Variants in ASCC2 observed in about 807,000 individuals in gnomAD.
ASCC2 encodes the protein activating signal cointegrator 1 complex subunit 2, also known as ASC-1 complex subunit P100.
Under a neutral mutation model 93.5 loss-of-function variants are expected in ASCC2, and 42 were observed. That is an observed-to-expected ratio of 0.45 (90% confidence interval 0.35 to 0.58). The LOEUF (loss-of-function observed/expected upper bound fraction) is 0.58, where lower values mean the gene tolerates loss of function less well. Ranked by LOEUF, ASCC2 falls within the 20% of genes least tolerant of loss-of-function variation. The pLI is 0.00. For missense variants in ASCC2, 859 were observed against 977.6 expected, an observed-to-expected ratio of 0.88 and a Z score of 1.62; for synonymous variants, 364 against 384.2, an observed-to-expected ratio of 0.95 and a Z score of 0.62.
In ASCC2 at chr22:29,802,084, T is replaced by C. The variant is rs757303263; in HGVS notation, c.1478A>G (p.Tyr493Cys). 6 of 1,614,200 alleles carry C rather than the reference T, an allele frequency of 3.7e-6. No individual in the cohort carries two copies. In the South Asian group the frequency reaches 5.5e-5, roughly 15 times the overall value. The part of the protein sequence containing the change: ...GEGFILACLE[Y>C]YHYDPEQVIN... The stretch of plus-strand genomic sequence containing the variant: ...CACCTGCTCTGGGTCGTAGTGGTAG[T>C]ACTCCAGGCAGGCCAGGATGAAGCC... The change falls in exon 14 of 20, where the codon TAC becomes TGC. Residue 493 changes from tyrosine to cysteine, a missense_variant. Transcript: ENST00000307790.
chr22:29,789,242 G>A (rs2068560911), intron 19 of ASCC2, 58 bp from the exon 20 acceptor site: 22 of 1,598,304 alleles, frequency 1.4e-5, no homozygotes, highest in Non-Finnish European at 1.9e-5. Flanking sequence ...GCTCTGGCGG[G>A]AGAGCCCACA....
intron 4 of ASCC2, 104 bp downstream of exon 4, chr22:29,824,983 A>G: frequency 9.1e-7 from 1 of 1,098,552 alleles, no homozygotes; most frequent in Non-Finnish European, 1.2e-6. Context: ...AGAGAGACAA[A>G]GAGGAAACTC....
chr22:29,790,364 C>G, intron 19 of ASCC2, 105 bp downstream of exon 19: 1 of 1,106,682 alleles, frequency 9.0e-7, no homozygotes, highest in Admixed American at 2.1e-5. Context: ...GAACTAAATA[C>G]ACGTGGAGCA....
intron 13 of ASCC2, 111 bp downstream of exon 13, chr22:29,804,527 C>T: frequency 1.4e-6 from 2 of 1,405,830 alleles, no homozygotes. Context: ...CCCAAAAAAA[C>T]TTTTTCCCTG....
At position 29,816,038 on chromosome 22, in the gene ASCC2, C is replaced by A. The variant is rs1370545580; in HGVS notation, c.577G>T (p.Asp193Tyr). 6.3e-7 allele frequency: 1 copy of A among 1,599,462 alleles called. No individual in the cohort carries two copies. The highest frequency in any genetic ancestry group is 1.1e-5 in the South Asian group (1 of 87,920). Residue 193 changes from aspartate (D) to tyrosine (Y), a missense_variant, in exon 6 of 20, where the codon GAC (aspartate) becomes TAC (tyrosine). By Grantham distance (160) the Asp-to-Tyr change is radical. Coordinates refer to ENST00000307790, the MANE Select transcript of ASCC2 (RefSeq NM_032204.5). Reference sequence around the variant, plus strand: ...ATGGTAGGCAGGGTTTCATCCAGGTCACTGTAGTAACTTGGCTGCTGTGTA... The same window carrying A: ...ATGGTAGGCAGGGTTTCATCCAGGTAACTGTAGTAACTTGGCTGCTGTGTA... ...IFTQQPSYYS[D>Y]LDETLPTILQ...
intron 1 of ASCC2, chr22:29,834,240 G>A (rs1449685065): frequency 4.1e-6 from 1 of 245,822 alleles, no homozygotes; most frequent in Non-Finnish European, 8.2e-6. Flanking sequence ...TTAAACTTAG[G>A]GGTGAGACGG....
intron 15 of ASCC2, among the ~76,000 whole-genome samples, chr22:29,800,212 C>T (rs564657448): frequency 6.6e-6 from 1 of 152,314 alleles, no homozygotes; most frequent in South Asian, 2.1e-4. Context: ...CCCTCCTTTG[C>T]AGAAGTGACC....
At chr22:29,797,775 T>C (rs1194015659) in intron 15 of ASCC2, among the ~76,000 whole-genome samples, 1 of 152,206 alleles carries the variant, frequency 6.6e-6, no homozygotes, top group Non-Finnish European at 1.5e-5. Flanking sequence ...TAATTATTAT[T>C]ATTTTTTGAG....
At chr22:29,798,242 A>G (rs1348200171) in intron 15 of ASCC2, among the ~76,000 whole-genome samples, 1 of 151,672 alleles carries the variant, frequency 6.6e-6, no homozygotes, top group South Asian at 2.1e-4. Context: ...CAGACCCTAC[A>G]TTTTCTTTAG....
Position 29,814,700 on chromosome 22 carries a change from A to C in ASCC2, c.677T>G (p.Leu226Arg). Residue 226 changes from leucine (L) to arginine (R), a missense_variant, in exon 7 of 20, where the codon CTT becomes CGT. Leu to Arg is a moderately radical substitution (Grantham distance 102). Coordinates refer to ENST00000307790, the MANE Select transcript of ASCC2 (RefSeq NM_032204.5). ...GDGANTTPQK[L>R]EERGRLTPSD... is the part of the protein sequence containing the mutation. ...GGGGGTCAATCGGCCCCTCTCCTCA[A>C]GCTTCTGGGGTGTGGTATTGGCCCC... is the stretch of plus-strand genomic sequence containing the variant. The C allele has an allele frequency of 6.2e-7, 1 of 1,607,310 alleles. No homozygotes were observed. The highest frequency in any genetic ancestry group is 1.1e-5 in the South Asian group (1 of 89,730).
intron 8 of ASCC2, 92 bp downstream of exon 8, chr22:29,813,338 C>A: frequency 2.1e-6 from 2 of 936,438 alleles, no homozygotes; most frequent in Non-Finnish European, 3.4e-6. Context: ...ACATTCTAAG[C>A]ACCCAGTAAA....
intron 5 of ASCC2, among the ~76,000 whole-genome samples, chr22:29,818,179 T>G (rs889160122): frequency 2.0e-5 from 3 of 151,878 alleles, no homozygotes; most frequent in Admixed American, 2.0e-4. Flanking sequence ...TTCTCCCACC[T>G]TCTTTCACTT....
rs966369633 is a variant in ASCC2, at chr22:29,788,858, T to C, written c.*155A>G. The stretch of plus-strand genomic sequence containing the variant: ...CTGCAGGAAGGCGCTCATGGCTGGC[T>C]GGTAGATGAGAGGCGGCCTTCTCAG... On this transcript the variant is annotated 3_prime_UTR_variant, in exon 20 of 20. Transcript: ENST00000307790. The C allele has an allele frequency of 4.2e-5, 36 of 866,114 alleles. 1 individual carries two copies. Among genetic ancestry groups the C allele is most frequent in the Middle Eastern group, 3.5e-4 (1 of 2,846 alleles). 53.7% of individuals were successfully genotyped at this position (866,114 alleles called of 1,614,324 possible). A position where few individuals can be genotyped will look rare whatever the true frequency, so the allele number is the denominator to read the frequency against.
At chr22:29,806,737 C>A (rs776423025) in intron 10 of ASCC2, 60 bp downstream of exon 10, 13 of 1,506,212 alleles carry the variant, frequency 8.6e-6, no homozygotes, top group Admixed American at 8.6e-5. Context: ...ATAATGGAAA[C>A]GCTCCTGAAG....
chr22:29,834,805 G>A (rs1386928598), intron 1 of ASCC2, among the ~76,000 whole-genome samples: 1 of 151,650 alleles, frequency 6.6e-6, no homozygotes, highest in Non-Finnish European at 1.5e-5. Context: ...CTTTTGCTAG[G>A]GCACCTGGGG....
chr22:29,800,341 T>C (rs1340961518), intron 15 of ASCC2, among the ~76,000 whole-genome samples: 1 of 152,238 alleles, frequency 6.6e-6, no homozygotes, highest in Non-Finnish European at 1.5e-5. Context: ...GTATTTGTTA[T>C]ACCTGCAATT....
chr22:29,824,192 A>G lies in ASCC2; in HGVS notation c.411+895T>C, dbSNP rs554662313. The stretch of plus-strand genomic sequence containing the variant: ...TGACAGAGATTCTCTAAAAACAAAG[A>G]AAAAGGAAGAGAAAATGTCCATATT... On this transcript the variant is annotated intron_variant, in intron 4 of 19. Coordinates refer to ENST00000307790, the MANE Select transcript of ASCC2 (RefSeq NM_032204.5). Among the ~76,000 whole-genome samples the G allele has an allele frequency of 2.6e-3, 401 of 152,158 alleles. 2 individuals carry two copies. The highest frequency in any genetic ancestry group is 4.7e-3 in the Non-Finnish European group (323 of 68,016).
rs911557495 is a variant in ASCC2, at chr22:29,825,148, T to G, written c.350A>C (p.Lys117Thr). The change falls in exon 4 of 20, where the codon AAG (lysine) becomes ACG (threonine). Residue 117 changes from lysine to threonine, a missense_variant. Physicochemically the swap from Lys to Thr is moderately conservative, Grantham distance 78. Coordinates refer to ENST00000307790, the MANE Select transcript of ASCC2 (RefSeq NM_032204.5). This position sits in a 1 kb window ranked among gnomAD's most constrained non-coding sequence, Gnocchi z 4.9. ...ASAPEVVDMQ[K>T]RLHRSVFLTF... Reference sequence around the variant, plus strand: ...GAGAAAAACACTTCGATGGAGGCGCTTCTGCATGTCAACAACCTCAGGGGC... The same window carrying G: ...GAGAAAAACACTTCGATGGAGGCGCGTCTGCATGTCAACAACCTCAGGGGC... The G allele has an allele frequency of 3.2e-6, 5 of 1,553,678 alleles. No individual in the cohort carries two copies. Among genetic ancestry groups the G allele is most frequent in the Admixed American group, 2.0e-5 (1 of 48,992 alleles).
intron 15 of ASCC2, among the ~76,000 whole-genome samples, chr22:29,798,829 A>G (rs2058748312): frequency 6.6e-6 from 1 of 152,234 alleles, no homozygotes; most frequent in Non-Finnish European, 1.5e-5. Flanking sequence ...TGTCTAGCAT[A>G]GGATCTGGTG....
Sources: allele counts gnomAD v4.1 joint callset (sites outside exome capture counted in the v4.1 genomes callset), GRCh38; gene constraint gnomAD v4.1.1; non-coding constraint Gnocchi (gnomAD v3.1); transcripts MANE v1.5; gene names NCBI Gene and HGNC (gene_info 2026-07-23, HGNC 2026-07-21).